Variants in ICA1 observed in about 807,000 individuals in gnomAD.
The protein encoded by ICA1 is 69 kDa islet cell autoantigen.
A neutral mutation model predicts 71.0 loss-of-function variants in ICA1; 40 were observed. That is an observed-to-expected ratio of 0.56 (90% CI 0.44 to 0.73). The LOEUF (loss-of-function observed/expected upper bound fraction) is 0.73. ICA1 is among the 30% of genes least tolerant of loss of function. The probability of loss-of-function intolerance (pLI) is 0.00; values close to 1 mark genes in which losing one functional copy is unlikely to be tolerated. For missense variants in ICA1, 578 were observed against 576.5 expected (o/e 1.00, Z -0.03); for synonymous variants, 207 against 209.5 (o/e 0.99, Z 0.10).
At chr7:8,118,661 G>A (rs1209067142) in intron 13 of ICA1, among the ~76,000 whole-genome samples, 1 of 152,164 alleles carries the variant, frequency 6.6e-6, no homozygotes, top group Non-Finnish European at 1.5e-5. Flanking sequence ...GTTTCTGTGT[G>A]TGCCAAATAA....
chr7:8,175,487 C>T (rs1780306058), intron 6 of ICA1, among the ~76,000 whole-genome samples: 11 of 151,986 alleles, frequency 7.2e-5, no homozygotes, highest in South Asian at 6.2e-4. Context: ...AGATAATACT[C>T]CCTTCGCATG....
At chr7:8,185,013 G>T (rs919123998) in intron 6 of ICA1, among the ~76,000 whole-genome samples, 1 of 151,886 alleles carries the variant, frequency 6.6e-6, no homozygotes, top group African/African-American at 2.4e-5. Context: ...GGCGGAGGCT[G>T]CAGTGACCTG....
chr7:8,175,216 G>C (rs1330190565), intron 6 of ICA1, among the ~76,000 whole-genome samples: 3 of 152,056 alleles, frequency 2.0e-5, no homozygotes, highest in African/African-American at 7.2e-5. Context: ...GAGATTTCAG[G>C]GACAGGGAAG....
intron 4 of ICA1, among the ~76,000 whole-genome samples, chr7:8,225,804 G>A (rs967723300): frequency 6.6e-6 from 1 of 152,148 alleles, no homozygotes; most frequent in African/African-American, 2.4e-5. Flanking sequence ...TCTTTCTAAA[G>A]TACAGAGTGA....
intron 6 of ICA1, among the ~76,000 whole-genome samples, chr7:8,198,328 A>G (rs1014928783): frequency 6.6e-6 from 1 of 152,372 alleles, no homozygotes; most frequent in Middle Eastern, 3.4e-3. Context: ...TGAGCAAAGC[A>G]TTGTTTGGAG....
intron 8 of ICA1, among the ~76,000 whole-genome samples, chr7:8,152,784 A>ACCACC (rs1799732399): frequency 1.5e-5 from 2 of 137,152 alleles, no homozygotes; most frequent in Non-Finnish European, 1.7e-5. Context: ...CACTATCACC[A>ACCACC]TCACCATCAC....
intron 1 of ICA1, among the ~76,000 whole-genome samples, chr7:8,248,118 C>T (rs1440634155): frequency 6.6e-6 from 1 of 152,152 alleles, no homozygotes; most frequent in African/African-American, 2.4e-5. Context: ...CGTCATTTTA[C>T]TTATGCAAAG....
At chr7:8,131,258 G>A (rs1791336972) in intron 12 of ICA1, among the ~76,000 whole-genome samples, 1 of 152,240 alleles carries the variant, frequency 6.6e-6, no homozygotes, top group Non-Finnish European at 1.5e-5. Context: ...AGCCTTGCTT[G>A]AAGCCAATCC....
intron 1 of ICA1, among the ~76,000 whole-genome samples, chr7:8,246,237 G>A (rs1047229100): frequency 2.0e-5 from 3 of 152,210 alleles, no homozygotes; most frequent in African/African-American, 2.4e-5. Context: ...CAACTTGATC[G>A]CATGAATGTT....
intron 6 of ICA1, among the ~76,000 whole-genome samples, chr7:8,178,075 G>A (rs1781128289): frequency 6.6e-6 from 1 of 152,112 alleles, no homozygotes; most frequent in South Asian, 2.1e-4. Context: ...CTTTTCTCTA[G>A]CAAAACTAAA....
At chr7:8,231,495 ACT>A (rs1213371147) in intron 3 of ICA1, among the ~76,000 whole-genome samples, 11 of 152,136 alleles carry the variant, frequency 7.2e-5, no homozygotes, top group Non-Finnish European at 4.4e-5. Flanking sequence ...CTTAGCCATC[ACT>A]CTGTTACCTA....
intron 8 of ICA1, among the ~76,000 whole-genome samples, chr7:8,146,142 C>T (rs118010074): frequency 0.03 from 4,504 of 152,194 alleles, 93 homozygotes; most frequent in Middle Eastern, 0.058. Flanking sequence ...TTGGATACAC[C>T]GGTGAACACG....
chr7:8,113,967 C>T lies in ICA1; in HGVS notation c.1408G>A (p.Ala470Thr). 6.2e-7 allele frequency: 1 copy of T among 1,614,176 alleles called. No individual in the cohort carries two copies. The highest frequency in any genetic ancestry group is 1.1e-5 in the South Asian group (1 of 91,082). Residue 470 changes from alanine to threonine, a missense_variant, in exon 14 of 14, where the codon GCT (alanine) becomes ACT (threonine). Transcript: ENST00000402384. The surrounding 1 kb of genome is among the most constrained non-coding windows in gnomAD (Gnocchi z 4.2). ...TGTTCTTTATCGGTTTTCCCAACAG[C>T]ATCAGGATTTGAGAGTGGGTCGAGG... is the stretch of plus-strand genomic sequence containing the variant. ...ADLDPLSNPD[A>T]VGKTDKEHEL...
In ICA1 at chr7:8,223,716, C is replaced by T. The variant is rs1797769493; in HGVS notation, c.257-2318G>A. On this transcript the variant is annotated intron_variant, in intron 4 of 13. Transcript: ENST00000402384. This position sits in a 1 kb window ranked among gnomAD's most constrained non-coding sequence, Gnocchi z 4.1. ...GTAGAGGCAGGAGGATTGCTTGATA[C>T]TAGGAGTTCAAGACCAGCCTGTGCA... Among the ~76,000 whole-genome samples the T allele has an allele frequency of 6.6e-6, 1 of 152,102 alleles. No individual in the cohort carries two copies.
At chr7:8,209,579 C>T (rs1792884282) in intron 6 of ICA1, among the ~76,000 whole-genome samples, 1 of 152,142 alleles carries the variant, frequency 6.6e-6, no homozygotes, top group South Asian at 2.1e-4. Flanking sequence ...TTTACACATT[C>T]TTGAACCCCA....
intron 1 of ICA1, among the ~76,000 whole-genome samples, chr7:8,256,619 A>G (rs1810300551): frequency 6.6e-6 from 1 of 151,846 alleles, no homozygotes; most frequent in Admixed American, 6.6e-5. Flanking sequence ...TGGGTCTTGC[A>G]CTCCAGACCT....
chr7:8,232,152 T>G (rs1800456526), intron 3 of ICA1, among the ~76,000 whole-genome samples: 1 of 152,200 alleles, frequency 6.6e-6, no homozygotes, highest in African/African-American at 2.4e-5. Context: ...TAACTAAATA[T>G]CTCCTTATTC....
At chr7:8,201,526 G>A (rs1338838734) in intron 6 of ICA1, among the ~76,000 whole-genome samples, 1 of 152,152 alleles carries the variant, frequency 6.6e-6, no homozygotes, top group Non-Finnish European at 1.5e-5. Context: ...GGCAGAAGAT[G>A]AGCTGCCCCA....
intron 13 of ICA1, among the ~76,000 whole-genome samples, chr7:8,118,398 G>A (rs1785471414): frequency 1.3e-5 from 2 of 152,214 alleles, no homozygotes; most frequent in South Asian, 4.1e-4. Flanking sequence ...CCGTGGAAAT[G>A]TTCTAACACT....
Sources: allele counts gnomAD v4.1 joint callset (sites outside exome capture counted in the v4.1 genomes callset), GRCh38; gene constraint gnomAD v4.1.1; non-coding constraint Gnocchi (gnomAD v3.1); transcripts MANE v1.5; gene names NCBI Gene and HGNC (gene_info 2026-07-23, HGNC 2026-07-21).